The following KIF2C variants were observed in gnomAD, a reference collection of about 807,000 sequenced individuals.
KIF2C encodes kinesin-like protein KIF2C.
In KIF2C, 34 loss-of-function variants were observed where a neutral mutation model predicts 97.4. That is an observed-to-expected ratio of 0.35 (90% confidence interval 0.27 to 0.46). The LOEUF is 0.46. Among genes scored for constraint, KIF2C ranks in the 20% least tolerant of loss-of-function variants. The pLI is 1.00. For synonymous variants in KIF2C, 313 were observed against 318.2 expected (o/e 0.98, Z 0.17); for missense variants, 750 against 907.6 (o/e 0.83, Z 2.23).
At chr1:44,745,697 C>T (rs539724712) in intron 2 of KIF2C, among the ~76,000 whole-genome samples, 8 of 151,128 alleles carry the variant, frequency 5.3e-5, no homozygotes, top group East Asian at 3.9e-4. Context: ...CTTGAACTCC[C>T]GACCTCAGGT....
rs768504510 is a variant in KIF2C at position 44,759,240 on chromosome 1, G to A, written c.1259G>A (p.Arg420His). 34 of 1,614,012 alleles carry A rather than the reference G, an allele frequency of 2.1e-5. No homozygotes were observed. The highest frequency in any genetic ancestry group is 3.3e-5 in the South Asian group (3 of 91,086). Reference protein sequence around the residue: ...FDLLNKKAKLRVLEDGKQQVQ... With the variant: ...FDLLNKKAKLHVLEDGKQQVQ... Reference sequence around the variant, plus strand: ...CTGCTCAACAAGAAGGCCAAGCTGCGCGTGCTGGAGGACGGCAAGCAACAG... The same window carrying A: ...CTGCTCAACAAGAAGGCCAAGCTGCACGTGCTGGAGGACGGCAAGCAACAG... The change falls in exon 14 of 21, where the codon CGC becomes CAC. Residue 420 changes from arginine (R) to histidine (H), a missense_variant. Arg to His is a conservative substitution (Grantham distance 29, BLOSUM62 0). Transcript: ENST00000372224.
chr1:44,757,597 G>A lies in KIF2C; in HGVS notation c.1019G>A (p.Gly340Glu). Residue 340 changes from glycine to glutamate, a missense_variant, in exon 11 of 21, where the codon GGA becomes GAA. Coordinates refer to ENST00000372224, the MANE Select transcript of KIF2C (RefSeq NM_006845.4). ...RPLVQTIFEG[G>E]KATCFAYGQT... is the part of the protein sequence containing the mutation. Reference sequence around the variant, plus strand: ...CTGGTACAGACAATCTTTGAAGGTGGAAAAGCAACTTGTTTTGCATATGGC... The same window carrying A: ...CTGGTACAGACAATCTTTGAAGGTGAAAAAGCAACTTGTTTTGCATATGGC... 6.2e-7 allele frequency: 1 copy of A among 1,613,922 alleles called. No homozygotes were observed. The highest frequency in any genetic ancestry group is 2.2e-5 in the East Asian group (1 of 44,870).
Position 44,760,797 on chromosome 1 carries a change from A to G in KIF2C, c.1683+95A>G. ...CCTGTCCCTGGGCTGGAAGCTCAGC[A>G]CTGCTGGCTGCCTGGGTTTCCAGGC... is the stretch of plus-strand genomic sequence containing the variant. On this transcript the variant is annotated intron_variant, in intron 16 of 20. Coordinates refer to ENST00000372224, the MANE Select transcript of KIF2C (RefSeq NM_006845.4). This position sits in a 1 kb window ranked among gnomAD's most constrained non-coding sequence, Gnocchi z 4.2. 2 of 1,013,776 alleles carry G rather than the reference A, an allele frequency of 2.0e-6. No individual in the cohort carries two copies. The highest frequency in any genetic ancestry group is 3.0e-6 in the Non-Finnish European group (2 of 663,628). 62.8% of individuals were successfully genotyped at this position (1,013,776 alleles called of 1,614,324 possible). A position where few individuals can be genotyped will look rare whatever the true frequency, so the allele number is the denominator to read the frequency against.
At chr1:44,750,070 G>A (rs1393411290) in intron 4 of KIF2C, among the ~76,000 whole-genome samples, 5 of 100,112 alleles carry the variant, frequency 5.0e-5, no homozygotes, top group South Asian at 3.2e-4. Context: ...CAACAAGAGC[G>A]AAACTCCTCA....
intron 2 of KIF2C, among the ~76,000 whole-genome samples, chr1:44,741,274 T>C (rs1648921300): frequency 2.0e-5 from 3 of 150,604 alleles, no homozygotes. Context: ...CCCAACTACT[T>C]GGGAGCCTGA....
intron 2 of KIF2C, among the ~76,000 whole-genome samples, chr1:44,741,996 C>CAA (rs397980058): frequency 0.067 from 4,522 of 67,308 alleles, 678 homozygotes; most frequent in African/African-American, 0.26. Flanking sequence ...GGACTTGTCT[C>CAA]AAAAAAAAAA....
chr1:44,748,855 T>C (rs1270417752), intron 4 of KIF2C, among the ~76,000 whole-genome samples: 1 of 151,764 alleles, frequency 6.6e-6, no homozygotes, highest in Non-Finnish European at 1.5e-5. Flanking sequence ...CCAATAGCTT[T>C]TTTTCTTTAG....
chr1:44,755,852 T>G (rs1573566255), intron 8 of KIF2C, 77 bp from the exon 9 acceptor site: 1 of 1,370,314 alleles, frequency 7.3e-7, no homozygotes, highest in South Asian at 1.2e-5. Flanking sequence ...TTGGAAGGGG[T>G]GGGAGTTCTG....
chr1:44,762,697 C>T (rs376329741), intron 19 of KIF2C, 39 bp downstream of exon 19: 89 of 1,342,124 alleles, frequency 6.6e-5, no homozygotes, highest in Non-Finnish European at 8.9e-5. Context: ...GGATGCAGCA[C>T]GGCCCTCAGT....
intron 17 of KIF2C, 75 bp downstream of exon 17, chr1:44,762,058 G>A: frequency 1.5e-6 from 2 of 1,356,458 alleles, no homozygotes; most frequent in Non-Finnish European, 1.1e-6. Context: ...AGGGGAGGAG[G>A]CTCTGGGGCC....
At chr1:44,741,304 C>A in intron 2 of KIF2C, among the ~76,000 whole-genome samples, 1 of 151,584 alleles carries the variant, frequency 6.6e-6, no homozygotes. Context: ...ACTGCTTGAA[C>A]CTGGGAGGCG....
At chr1:44,761,864 T>C (rs1650161455) in intron 16 of KIF2C, 52 bp from the exon 17 acceptor site, 3 of 1,553,968 alleles carry the variant, frequency 1.9e-6, no homozygotes, top group African/African-American at 1.4e-5. Context: ...ACAGGCTATA[T>C]AGCATCCTCA....
chr1:44,751,731 C>T (rs1019563340), intron 5 of KIF2C, among the ~76,000 whole-genome samples: 1 of 151,530 alleles, frequency 6.6e-6, no homozygotes, highest in Non-Finnish European at 1.5e-5. Context: ...TGGTCTCGAA[C>T]TCCTGACCTC....
At position 44,761,980 on chromosome 1, in the gene KIF2C, A is replaced by G; in HGVS notation, c.1748A>G (p.Asp583Gly). 1 of 1,613,802 alleles carries G rather than the reference A, an allele frequency of 6.2e-7. No homozygotes were observed. The highest frequency in any genetic ancestry group is 1.3e-5 in the African/African-American group (1 of 75,052). ...ACTTTAAACACCCTGAGATATGCAG[A>G]CAGGTACTAGTACCTACAGCTAGGT... ...EYTLNTLRYA[D>G]RVKELSPHSG... The change falls in exon 17 of 21, where the codon GAC becomes GGC. Residue 583 changes from aspartate to glycine, a missense_variant. Asp to Gly is a moderately conservative substitution (Grantham distance 94, BLOSUM62 -1). Coordinates refer to ENST00000372224, the MANE Select transcript of KIF2C (RefSeq NM_006845.4).
chr1:44,746,903 T>C, intron 2 of KIF2C: 1 of 913,436 alleles, frequency 1.1e-6, no homozygotes, highest in South Asian at 1.8e-5. Flanking sequence ...TGTTTGTTTG[T>C]TTTTTGTTTT....
chr1:44,756,429 GT>G (rs1557597007), intron 10 of KIF2C, among the ~76,000 whole-genome samples, 192 bp downstream of exon 10: 11 of 151,850 alleles, frequency 7.2e-5, no homozygotes, highest in Admixed American at 7.2e-4. Flanking sequence ...GGTATCACCC[GT>G]TACGTGCTGA....
intron 2 of KIF2C, among the ~76,000 whole-genome samples, chr1:44,741,408 G>A (rs998414975): frequency 6.6e-6 from 1 of 151,880 alleles, no homozygotes; most frequent in Non-Finnish European, 1.5e-5. Flanking sequence ...AAATTGGCTG[G>A]GTGCGGTGGC....
Position 44,757,912 on chromosome 1 carries a change from TG to T in KIF2C, c.1076del (p.Gly359AlafsTer26). 1 of 1,614,136 alleles carries T rather than the reference TG, an allele frequency of 6.2e-7. No homozygotes were observed. The highest frequency in any genetic ancestry group is 8.5e-7 in the Non-Finnish European group (1 of 1,179,994). ...TTCTACCCCTTCCCTTTGCAGACTA[TG>T]GGCGGAGACCTCTCTGGGAAAGCCC... Reference protein sequence around the residue: ...GQTGSGKTHTMGGDLSGKAQN... With the variant: ...GQTGSGKTHTXGGDLSGKAQN... On this transcript the variant is annotated frameshift_variant, in exon 12 of 21. Transcript: ENST00000372224. LOFTEE classifies it high-confidence loss of function.
In KIF2C at chr1:44,762,667, C is replaced by T; in HGVS notation, c.1971+9C>T. The T allele has an allele frequency of 6.3e-7, 1 of 1,589,996 alleles. No homozygotes were observed. On this transcript the variant is annotated intron_variant, in intron 19 of 20. Coordinates refer to ENST00000372224, the MANE Select transcript of KIF2C (RefSeq NM_006845.4). ...TCAAGGAGATCATACAGGTAGGCAGCTGGCCCTGGACAGGGAGCTGGATGC... is the reference window on the plus strand; with the variant it reads ...TCAAGGAGATCATACAGGTAGGCAGTTGGCCCTGGACAGGGAGCTGGATGC...
Sources: gnomAD v4.1 joint callset for allele counts (sites outside exome capture counted in the v4.1 genomes callset) on GRCh38, gnomAD v4.1.1 for gene constraint, Gnocchi (gnomAD v3.1) non-coding constraint, MANE v1.5 for transcripts, NCBI Gene and HGNC (gene_info 2026-07-23, HGNC 2026-07-21) for gene names.